Variants in EPB41L4A observed in about 807,000 individuals in gnomAD.
EPB41L4A encodes the protein erythrocyte membrane protein band 4.1 like 4A, also known as band 4.1-like protein 4A.
Under a neutral mutation model 108.6 loss-of-function variants are expected in EPB41L4A, and 100 were observed. That is an observed-to-expected ratio of 0.92 (90% confidence interval 0.78 to 1.09). EPB41L4A has a LOEUF of 1.09. EPB41L4A is among the 50% of genes least tolerant of loss of function. The pLI, the probability that EPB41L4A is intolerant of heterozygous loss-of-function variation, is 0.00. For missense variants in EPB41L4A, 1,030 were observed against 842.7 expected (o/e 1.22, Z -2.75); for synonymous variants, 319 against 289.0 (o/e 1.10, Z -1.05).
At chr5:112,153,761 A>G (rs188482728) in intron 12 of EPB41L4A, among the ~76,000 whole-genome samples, 12 of 151,576 alleles carry the variant, frequency 7.9e-5, no homozygotes, top group South Asian at 4.1e-4. Context: ...CATATTATGG[A>G]ACACAGCATA....
rs980045188 is a variant in EPB41L4A at position 112,419,050 on chromosome 5, G to A, written c.-11C>T. 2.3e-5 allele frequency: 37 copies of A among 1,608,438 alleles called. No individual in the cohort carries two copies. Among genetic ancestry groups the A allele is most frequent in the South Asian group, 4.4e-5 (4 of 90,786 alleles). On this transcript the variant is annotated 5_prime_UTR_variant, in exon 1 of 23. Transcript: ENST00000261486. ...GCAGAAACAGCCCATGTCGGTTGTG[G>A]TCGTCTCCAGCCAGGAGAGAAAGCT...
chr5:112,142,525 T>C (rs1275204486), exon 14 of EPB41L4A: 1 of 152,206 alleles, frequency 6.6e-6, no homozygotes, highest in Non-Finnish European at 1.5e-5. Context: ...TCATGGAAAG[T>C]TAATACCTTT....
chr5:112,161,729 ACTG>A, downstream of EPB41L4A: 1 of 455,450 alleles, frequency 2.2e-6, no homozygotes, highest in Admixed American at 2.3e-5. Context: ...TGAAGTGTAG[ACTG>A]CTGCTAGCTG....
intron 15 of EPB41L4A, among the ~76,000 whole-genome samples, chr5:112,204,116 A>G (rs566935433): frequency 1.3e-5 from 2 of 151,134 alleles, no homozygotes; most frequent in South Asian, 4.1e-4. Flanking sequence ...ATTATATACT[A>G]TTTTTAGACA....
rs540619078 is a variant in EPB41L4A, at chr5:112,360,949, G to A, written c.100-53459C>T. On this transcript the variant is annotated intron_variant, in intron 1 of 22. Coordinates refer to ENST00000261486, the MANE Select transcript of EPB41L4A (RefSeq NM_022140.5). ...CCACTCCGTCTGGGAGGTGAGGAGC[G>A]TCTCTGACCGGCCGCCCCGTCTGAG... Among the ~76,000 whole-genome samples, 4 of 151,958 alleles carry A rather than the reference G, an allele frequency of 2.6e-5. No individual in the cohort carries two copies. In the South Asian group the frequency reaches 6.3e-4, roughly 24 times the overall value.
chr5:112,398,902 T>C (rs1381932758), intron 1 of EPB41L4A, among the ~76,000 whole-genome samples: 3 of 150,286 alleles, frequency 2.0e-5, no homozygotes, highest in African/African-American at 7.4e-5. Flanking sequence ...GGATGTTTTC[T>C]GGAAGAAGCT....
intron 1 of EPB41L4A, among the ~76,000 whole-genome samples, chr5:112,389,079 T>C (rs898707201): frequency 6.6e-6 from 1 of 151,926 alleles, no homozygotes; most frequent in African/African-American, 2.4e-5. Context: ...AAAAAAAAAA[T>C]TCTATGGCTT....
chr5:112,175,805 C>T lies in EPB41L4A; in HGVS notation c.1623-4813G>A, dbSNP rs191872416. ...GAATACTGCCCTAGCCATGTTTCCA[C>T]TTTTTCTAAGGGATGCGGTCTCACT... On this transcript the variant is annotated intron_variant, in intron 18 of 22. Transcript: ENST00000261486. 1.1e-4 allele frequency among the ~76,000 whole-genome samples: 16 copies of T among 152,096 alleles called. No individual in the cohort carries two copies. In the East Asian group the frequency reaches 2.7e-3, roughly 26 times the overall value.
At chr5:112,186,959 G>A (rs1308805610) in intron 17 of EPB41L4A, among the ~76,000 whole-genome samples, 1 of 152,212 alleles carries the variant, frequency 6.6e-6, no homozygotes, top group Non-Finnish European at 1.5e-5. Flanking sequence ...TGTTTACTGT[G>A]ATAATTCTGA....
At chr5:112,209,803 A>T (rs1431227468) in intron 13 of EPB41L4A, 89 bp downstream of exon 13, 7 of 727,876 alleles carry the variant, frequency 9.6e-6, no homozygotes, top group Non-Finnish European at 6.8e-6. Flanking sequence ...TTAATCATCA[A>T]AGTTAAAAGA....
intron 9 of EPB41L4A, among the ~76,000 whole-genome samples, chr5:112,243,266 T>C (rs1457585760): frequency 1.6e-5 from 2 of 127,068 alleles, no homozygotes; most frequent in East Asian, 2.2e-4. Flanking sequence ...CACATATATA[T>C]ATGTGTGTGT....
At chr5:112,271,018 A>G (rs2150477021) in intron 4 of EPB41L4A, among the ~76,000 whole-genome samples, 1 of 152,286 alleles carries the variant, frequency 6.6e-6, no homozygotes, top group South Asian at 2.1e-4. Context: ...GCTGTCAGCA[A>G]GACAACTGAC....
At chr5:112,363,983 A>C (rs755400685) in intron 1 of EPB41L4A, among the ~76,000 whole-genome samples, 1 of 152,216 alleles carries the variant, frequency 6.6e-6, no homozygotes, top group Non-Finnish European at 1.5e-5. Flanking sequence ...TAGAAAAGGT[A>C]ATAATGATCC....
intron 1 of EPB41L4A, among the ~76,000 whole-genome samples, chr5:112,416,898 G>A (rs923738797): frequency 2.6e-5 from 4 of 152,124 alleles, no homozygotes; most frequent in Non-Finnish European, 4.4e-5. Flanking sequence ...CCAAGGGTGG[G>A]TAGGTGTTTA....
At chr5:112,323,058 G>A (rs988478789) in intron 1 of EPB41L4A, among the ~76,000 whole-genome samples, 2 of 150,504 alleles carry the variant, frequency 1.3e-5, no homozygotes, top group Admixed American at 6.7e-5. Flanking sequence ...AAGTATAGTC[G>A]TTGCCAAGAA....
In EPB41L4A at chr5:112,262,504, T is replaced by C. The variant is rs1751563780; in HGVS notation, c.632A>G (p.His211Arg). 2 of 1,613,814 alleles carry C rather than the reference T, an allele frequency of 1.2e-6. No individual in the cohort carries two copies. Among genetic ancestry groups the C allele is most frequent in the Admixed American group, 1.7e-5 (1 of 60,016 alleles). ...TTAAATGTTACTCACATAGACGGGA[T>C]GGAGGTCAACGCCATACATCTCCAG... The part of the protein sequence containing the change: ...KSLEMYGVDL[H>R]PVYGENKSEY... The change falls in exon 7 of 23, where the codon CAT (histidine) becomes CGT (arginine). Residue 211 changes from histidine to arginine, a missense_variant. Transcript: ENST00000261486.
chr5:112,304,705 TC>T (rs1367985844), intron 2 of EPB41L4A, among the ~76,000 whole-genome samples: 6 of 152,150 alleles, frequency 3.9e-5, no homozygotes, highest in African/African-American at 1.4e-4. Flanking sequence ...TTTTCTCCCA[TC>T]CTAGTTTCAA....
At chr5:112,303,750 G>C (rs892851527) in intron 2 of EPB41L4A, among the ~76,000 whole-genome samples, 1 of 152,148 alleles carries the variant, frequency 6.6e-6, no homozygotes, top group South Asian at 2.1e-4. Context: ...CGGGAAAAAA[G>C]CTGCATGGTG....
intron 1 of EPB41L4A, among the ~76,000 whole-genome samples, chr5:112,387,216 T>C (rs1411378920): frequency 2.0e-5 from 3 of 152,322 alleles, no homozygotes; most frequent in Admixed American, 6.5e-5. Flanking sequence ...ATGCACGAAC[T>C]CCTCATGTCT....
Sources: allele counts gnomAD v4.1 joint callset (sites outside exome capture counted in the v4.1 genomes callset), GRCh38; gene constraint gnomAD v4.1.1; transcripts MANE v1.5; gene names NCBI Gene and HGNC (gene_info 2026-07-23, HGNC 2026-07-21).